Variants in EPN2 observed in about 807,000 individuals in gnomAD.
The protein encoded by EPN2 is epsin-2.
A neutral mutation model predicts 61.7 loss-of-function variants in EPN2; 34 were observed. That is an observed-to-expected ratio of 0.55 (90% CI 0.42 to 0.73). The LOEUF (loss-of-function observed/expected upper bound fraction) is 0.73, where lower values mean the gene tolerates loss of function less well. Among genes scored for constraint, EPN2 ranks in the 30% least tolerant of loss-of-function variants. EPN2 has a pLI of 0.00. For synonymous variants in EPN2, 349 were observed against 353.6 expected (o/e 0.99, Z 0.15); for missense variants, 714 against 839.2 (o/e 0.85, Z 1.84).
chr17:19,290,293 C>T (rs1373803598), intron 4 of EPN2, among the ~76,000 whole-genome samples: 1 of 152,170 alleles, frequency 6.6e-6, no homozygotes, highest in Non-Finnish European at 1.5e-5. Flanking sequence ...ACATGTTACC[C>T]GCCCCCCGGG....
chr17:19,273,805 T>G (rs778587540), intron 1 of EPN2, among the ~76,000 whole-genome samples: 3 of 152,380 alleles, frequency 2.0e-5, no homozygotes, highest in Admixed American at 1.3e-4. Context: ...TCTTTTCATT[T>G]CTCTACGGGA....
intron 7 of EPN2, among the ~76,000 whole-genome samples, chr17:19,322,805 G>C (rs1906702080): frequency 6.6e-6 from 1 of 151,608 alleles, no homozygotes. Flanking sequence ...AAGCTATTCA[G>C]CATTTCAGAG....
intron 1 of EPN2, among the ~76,000 whole-genome samples, chr17:19,259,307 T>C (rs1324474059): frequency 1.4e-5 from 2 of 139,080 alleles, no homozygotes; most frequent in African/African-American, 6.0e-5. Flanking sequence ...GAGTGTTGGG[T>C]CTTTTTTTTT....
intron 1 of EPN2, among the ~76,000 whole-genome samples, chr17:19,237,944 C>T (rs1276587276): frequency 1.3e-5 from 2 of 152,258 alleles, no homozygotes; most frequent in Non-Finnish European, 2.9e-5. Flanking sequence ...CCCGGCGCCC[C>T]TTCCTCCTGA....
intron 1 of EPN2, among the ~76,000 whole-genome samples, chr17:19,254,791 G>T (rs989529762): frequency 1.3e-5 from 2 of 152,088 alleles, no homozygotes; most frequent in African/African-American, 4.8e-5. Context: ...GAGTTACAGG[G>T]ACAGACTTCT....
intron 1 of EPN2, among the ~76,000 whole-genome samples, chr17:19,270,250 G>A (rs2045239986): frequency 6.6e-6 from 1 of 152,330 alleles, no homozygotes; most frequent in South Asian, 2.1e-4. Context: ...AGCCCCTTCT[G>A]TTTCTTACTG....
chr17:19,286,878 T>G (rs1231522977), intron 4 of EPN2, among the ~76,000 whole-genome samples: 2 of 152,186 alleles, frequency 1.3e-5, no homozygotes, highest in African/African-American at 2.4e-5. Context: ...AAGCATTCGT[T>G]AAAGGGTCAC....
At chr17:19,305,222 A>G (rs944166346) in intron 4 of EPN2, among the ~76,000 whole-genome samples, 7 of 151,686 alleles carry the variant, frequency 4.6e-5, no homozygotes, top group African/African-American at 1.7e-4. Flanking sequence ...GCTTAGTTCA[A>G]GTGATTTTCA....
In EPN2 at chr17:19,328,846, C is replaced by T. The variant is rs143806164; in HGVS notation, c.1283C>T (p.Ala428Val). The change falls in exon 8 of 11, where the codon GCG becomes GTG. Residue 428 changes from alanine to valine, a missense_variant. Around this residue, in one of 2 missense-constraint regions of EPN2, gnomAD observed 410 missense variants for 421.8 expected, o/e 0.97. Coordinates refer to ENST00000314728, the MANE Select transcript of EPN2 (RefSeq NM_014964.5). ...AGTGCTGGGAAAAGAGCTTCTGACG[C>T]GTGGGGCGCAGTCTCCACCACCAAG... ...ASSAGKRASD[A>V]WGAVSTTKPV... The T allele has an allele frequency of 7.8e-4, 1,260 of 1,613,132 alleles. 1 individual carries two copies. The highest frequency in any genetic ancestry group is 9.2e-4 in the Non-Finnish European group (1,091 of 1,179,532).
chr17:19,318,959 G>A (rs1445193220), intron 7 of EPN2, among the ~76,000 whole-genome samples: 1 of 152,100 alleles, frequency 6.6e-6, no homozygotes, highest in Non-Finnish European at 1.5e-5. Context: ...CACTTTAGGA[G>A]GCCAAGTTTG....
chr17:19,303,011 T>C (rs1310072772), intron 4 of EPN2, among the ~76,000 whole-genome samples: 2 of 152,210 alleles, frequency 1.3e-5, no homozygotes, highest in Non-Finnish European at 1.5e-5. Context: ...GGAAGCGCAC[T>C]ACAGGCATCC....
At chr17:19,301,262 G>T (rs1905500689) in intron 4 of EPN2, among the ~76,000 whole-genome samples, 1 of 152,092 alleles carries the variant, frequency 6.6e-6, no homozygotes, top group Non-Finnish European at 1.5e-5. Context: ...GGCCCATCTT[G>T]CTCCAGTATG....
chr17:19,238,909 A>G (rs2044848955), intron 1 of EPN2, among the ~76,000 whole-genome samples: 1 of 152,236 alleles, frequency 6.6e-6, no homozygotes, highest in Non-Finnish European at 1.5e-5. Context: ...ATTATGTAAT[A>G]TAACGAAGAT....
Position 19,332,044 on chromosome 17 carries a change from T to A in EPN2, c.1603T>A (p.Ser535Thr). 6.2e-7 allele frequency: 1 copy of A among 1,611,788 alleles called. No individual in the cohort carries two copies. Among genetic ancestry groups the A allele is most frequent in the Non-Finnish European group, 8.5e-7 (1 of 1,179,854 alleles). The change falls in exon 10 of 11, where the codon TCC becomes ACC. Residue 535 changes from serine to threonine, a missense_variant. Ser to Thr is a moderately conservative substitution (Grantham distance 58). Coordinates refer to ENST00000314728, the MANE Select transcript of EPN2 (RefSeq NM_014964.5). ...LVTRPAPPAQSLNPFLAPGAP... is the reference protein window; with the variant it reads ...LVTRPAPPAQTLNPFLAPGAP... ...GACCAGGCCTGCCCCACCAGCCCAGTCCCTCAACCCTTTCCTGGCACCAGG... is the reference window on the plus strand; with the variant it reads ...GACCAGGCCTGCCCCACCAGCCCAGACCCTCAACCCTTTCCTGGCACCAGG...
chr17:19,300,647 C>T (rs978006420), intron 4 of EPN2, among the ~76,000 whole-genome samples: 2 of 152,046 alleles, frequency 1.3e-5, no homozygotes, highest in Non-Finnish European at 2.9e-5. Context: ...AGGCTGGTCT[C>T]GAACTCCTGA....
At chr17:19,291,744 T>G (rs2152221611) in intron 4 of EPN2, among the ~76,000 whole-genome samples, 1 of 152,238 alleles carries the variant, frequency 6.6e-6, no homozygotes, top group Middle Eastern at 3.4e-3. Flanking sequence ...CCGGCCTCAT[T>G]CTTAAACCCA....
chr17:19,264,744 G>T (rs2152209439), intron 1 of EPN2, among the ~76,000 whole-genome samples: 1 of 152,290 alleles, frequency 6.6e-6, no homozygotes, highest in African/African-American at 2.4e-5. Context: ...TGTGTGAGCA[G>T]GTGGGGCTGG....
At chr17:19,255,947 A>T (rs1310485962) in intron 1 of EPN2, among the ~76,000 whole-genome samples, 2 of 150,268 alleles carry the variant, frequency 1.3e-5, no homozygotes, top group African/African-American at 4.9e-5. Flanking sequence ...TTTTTTATTT[A>T]TTTTTTTTGA....
intron 1 of EPN2, among the ~76,000 whole-genome samples, chr17:19,269,492 G>A (rs1049802423): frequency 6.6e-6 from 1 of 152,196 alleles, no homozygotes; most frequent in Non-Finnish European, 1.5e-5. Context: ...TAGCCAAAGA[G>A]GCATCATTTC....
Sources: allele counts gnomAD v4.1 joint callset (sites outside exome capture counted in the v4.1 genomes callset), GRCh38; gene constraint gnomAD v4.1.1; regional missense constraint gnomAD v4.1.1; transcripts MANE v1.5; gene names NCBI Gene and HGNC (gene_info 2026-07-23, HGNC 2026-07-21).